The following KASH5 variants were observed in gnomAD, a reference collection of about 807,000 sequenced individuals.
The protein encoded by KASH5 is KASH domain containing 5, also known as protein KASH5.
KASH5 carries 72 observed loss-of-function variants against 84.2 expected under a neutral mutation model. That is an observed-to-expected ratio of 0.85 (90% CI 0.71 to 1.04). The LOEUF is 1.04. Ranked by LOEUF, KASH5 falls within the 50% of genes least tolerant of loss-of-function variation. The pLI, the probability that KASH5 is intolerant of heterozygous loss-of-function variation, is 0.00. For missense variants in KASH5, 650 were observed against 701.0 expected, an observed-to-expected ratio of 0.93 and a Z score of 0.82; for synonymous variants, 260 against 279.1, an observed-to-expected ratio of 0.93 and a Z score of 0.68.
Position 49,399,343 on chromosome 19 carries a change from C to A in KASH5, c.748-114C>A. 2 of 1,111,346 alleles carry A rather than the reference C, an allele frequency of 1.8e-6. No homozygotes were observed. Among genetic ancestry groups the A allele is most frequent in the Non-Finnish European group, 2.6e-6 (2 of 762,412 alleles). 68.8% of individuals were successfully genotyped at this position (1,111,346 alleles called of 1,614,324 possible). On this transcript the variant is annotated intron_variant, in intron 8 of 19. Coordinates refer to ENST00000447857, the MANE Select transcript of KASH5 (RefSeq NM_144688.5). This position sits in a 1 kb window ranked among gnomAD's most constrained non-coding sequence, Gnocchi z 4.4. ...AAGGAGACAGCAGGAGCCATCAGGGCTTCCCAGACCCATTCCCCCAGGCCC... is the reference window on the plus strand; with the variant it reads ...AAGGAGACAGCAGGAGCCATCAGGGATTCCCAGACCCATTCCCCCAGGCCC...
At chr19:49,398,471 C>T (rs752800998) in intron 7 of KASH5, among the ~76,000 whole-genome samples, 8 of 151,446 alleles carry the variant, frequency 5.3e-5, no homozygotes, top group Admixed American at 5.3e-4. Flanking sequence ...TGGGCTCTAG[C>T]GAGCCTCCCA....
At chr19:49,407,159 G>T in intron 10 of KASH5, 81 bp from the exon 11 acceptor site, 1 of 1,525,728 alleles carries the variant, frequency 6.6e-7, no homozygotes, top group South Asian at 1.1e-5. Context: ...GGGTGCGAGA[G>T]AACAGGTGGG....
At position 49,417,121 on chromosome 19, in the gene KASH5, GA is replaced by G. The variant is rs1974931559; in HGVS notation, c.1440-33del. 6.2e-7 allele frequency: 1 copy of G among 1,609,852 alleles called. No individual in the cohort carries two copies. Among genetic ancestry groups the G allele is most frequent in the African/African-American group, 1.3e-5 (1 of 74,802 alleles). On this transcript the variant is annotated intron_variant, in intron 18 of 19. Transcript: ENST00000447857. This position sits in a 1 kb window ranked among gnomAD's most constrained non-coding sequence, Gnocchi z 5.2. Reference sequence around the variant, plus strand: ...GGTCCAGGAGGGACACTGGGGCAAGGAAAAACCCAGTGGTGATTCCCTCCTT... The same window carrying G: ...GGTCCAGGAGGGACACTGGGGCAAGGAAAACCCAGTGGTGATTCCCTCCTT...
Position 49,395,105 on chromosome 19 carries a change from G to C in KASH5, c.149-1G>C, listed in dbSNP as rs765004229. The C allele has an allele frequency of 3.7e-5, 60 of 1,604,714 alleles. No homozygotes were observed. The highest frequency in any genetic ancestry group is 4.8e-5 in the Non-Finnish European group (57 of 1,177,710). ...CCCCCTCACTGCATGCTCTGTCACAGGCACTGTGGCTGTGGCCCAGGTGCT... is the reference window on the plus strand; with the variant it reads ...CCCCCTCACTGCATGCTCTGTCACACGCACTGTGGCTGTGGCCCAGGTGCT... On this transcript the variant is annotated splice_acceptor_variant, in intron 3 of 19. Transcript: ENST00000447857. LOFTEE classifies it high-confidence loss of function. The surrounding 1 kb of genome is among the most constrained non-coding windows in gnomAD (Gnocchi z 4.4).
intron 6 of KASH5, 80 bp from the exon 7 acceptor site, chr19:49,397,902 C>T: frequency 6.5e-7 from 1 of 1,529,332 alleles, no homozygotes; most frequent in Non-Finnish European, 8.9e-7. Context: ...CCACATCTCC[C>T]CACCACCAGC....
chr19:49,397,744 C>G, intron 6 of KASH5, 27 bp downstream of exon 6: 1 of 1,610,306 alleles, frequency 6.2e-7, no homozygotes, highest in Non-Finnish European at 8.5e-7. Context: ...CCCTCCCTGA[C>G]CCTCCTGCCC....
At chr19:49,405,977 A>AG (rs1974512971) in intron 9 of KASH5, among the ~76,000 whole-genome samples, 1 of 150,874 alleles carries the variant, frequency 6.6e-6, no homozygotes, top group Non-Finnish European at 1.5e-5. Flanking sequence ...AAAAAAAAAA[A>AG]ATTAGCTGGG....
chr19:49,390,706 G>A, intron 1 of KASH5, 83 bp from the exon 2 acceptor site: 1 of 602,152 alleles, frequency 1.7e-6, no homozygotes, highest in Non-Finnish European at 2.8e-6. Context: ...AGGACCCAGA[G>A]GTCCTGGGGC....
chr19:49,411,099 G>C (rs533425326), intron 15 of KASH5, among the ~76,000 whole-genome samples: 141 of 151,738 alleles, frequency 9.3e-4, no homozygotes, highest in Non-Finnish European at 1.7e-3. Flanking sequence ...GCCACCATGT[G>C]TAGCTAAATT....
chr19:49,415,113 G>C (rs536356249), intron 17 of KASH5, 117 bp downstream of exon 17: 5 of 1,012,500 alleles, frequency 4.9e-6, no homozygotes, highest in African/African-American at 3.2e-5. Context: ...GGAGCAGAGA[G>C]AAAAATCATT....
At chr19:49,394,261 G>T (rs1010080953) in intron 2 of KASH5, among the ~76,000 whole-genome samples, 10 of 152,170 alleles carry the variant, frequency 6.6e-5, no homozygotes, top group African/African-American at 2.4e-4. Flanking sequence ...CAGCAGGGGG[G>T]ACTTCCTGGT....
At chr19:49,413,706 A>T (rs1289546792) in intron 16 of KASH5, among the ~76,000 whole-genome samples, 1 of 152,152 alleles carries the variant, frequency 6.6e-6, no homozygotes, top group Non-Finnish European at 1.5e-5. Context: ...GGCAGGTGCC[A>T]TGCGAGTTTC....
rs903799389 is a variant in KASH5, at chr19:49,412,580, A to G, written c.1270-388A>G. Among the ~76,000 whole-genome samples, 9 of 152,176 alleles carry G rather than the reference A, an allele frequency of 5.9e-5. No individual in the cohort carries two copies. Among genetic ancestry groups the G allele is most frequent in the Non-Finnish European group, 1.5e-5 (1 of 68,014 alleles). ...AGGGAGAGCAGATAGATCCAGCCCA[A>G]GTCTGGGAACCTGGGATGAGAAGGC... On this transcript the variant is annotated intron_variant, in intron 15 of 19. Transcript: ENST00000447857. This position sits in a 1 kb window ranked among gnomAD's most constrained non-coding sequence, Gnocchi z 4.6.
chr19:49,390,872 C>T lies in KASH5; in HGVS notation c.-12C>T. 1 of 1,587,972 alleles carries T rather than the reference C, an allele frequency of 6.3e-7. No individual in the cohort carries two copies. Among genetic ancestry groups the T allele is most frequent in the South Asian group, 1.1e-5 (1 of 87,866 alleles). Reference sequence around the variant, plus strand: ...AGCTTTGCCAGCAGCTGCGCCGCGGCAGGGGTGGCCCATGGACCTGCCCGA... The same window carrying T: ...AGCTTTGCCAGCAGCTGCGCCGCGGTAGGGGTGGCCCATGGACCTGCCCGA... On this transcript the variant is annotated 5_prime_UTR_variant, in exon 2 of 20. Transcript: ENST00000447857.
At chr19:49,415,125 G>C in intron 17 of KASH5, 129 bp downstream of exon 17, 1 of 928,842 alleles carries the variant, frequency 1.1e-6, no homozygotes, top group Non-Finnish European at 1.7e-6. Flanking sequence ...AAAATCATTT[G>C]GCCAAGAGAT....
At chr19:49,411,906 G>A (rs868368801) in intron 15 of KASH5, among the ~76,000 whole-genome samples, 15 of 135,766 alleles carry the variant, frequency 1.1e-4, no homozygotes, top group Admixed American at 6.4e-4. Context: ...GAAGGAGGGA[G>A]GGAGGGAAGG....
At chr19:49,390,757 C>T in intron 1 of KASH5, 32 bp from the exon 2 acceptor site, 1 of 1,090,180 alleles carries the variant, frequency 9.2e-7, no homozygotes, top group Non-Finnish European at 1.2e-6. Flanking sequence ...GGTGGCTGCT[C>T]TGAGGACACC....
In KASH5 at chr19:49,406,979, A is replaced by G. The variant is rs767361842; in HGVS notation, c.876+16A>G. 14 of 1,571,756 alleles carry G rather than the reference A, an allele frequency of 8.9e-6. No homozygotes were observed. In the East Asian group the frequency reaches 3.3e-4, roughly 37 times the overall value. Reference sequence around the variant, plus strand: ...CACTTTGAAGGTGCCACTCCTTCCTAGTGCCTGACAACTTTCCACCACCCC... The same window carrying G: ...CACTTTGAAGGTGCCACTCCTTCCTGGTGCCTGACAACTTTCCACCACCCC... On this transcript the variant is annotated intron_variant, in intron 10 of 19. Transcript: ENST00000447857.
In KASH5 at chr19:49,395,194, C is replaced by T; in HGVS notation, c.237C>T (p.Asn79=). The T allele has an allele frequency of 6.2e-7, 1 of 1,612,710 alleles. No individual in the cohort carries two copies. The highest frequency in any genetic ancestry group is 8.5e-7 in the Non-Finnish European group (1 of 1,179,428). Residue 79 remains asparagine, a synonymous_variant, in exon 4 of 20, where the codon AAC becomes AAT. Transcript: ENST00000447857. This position sits in a 1 kb window ranked among gnomAD's most constrained non-coding sequence, Gnocchi z 4.4. Reference sequence around the variant, plus strand: ...ATGCACGCCTCCAAACATTGGCCAACAGCCTGGACCCCAATGGGGAGGGCC... The same window carrying T: ...ATGCACGCCTCCAAACATTGGCCAATAGCCTGGACCCCAATGGGGAGGGCC... ...PQDARLQTLA[N]SLDPNGEGPK...
Sources: allele counts gnomAD v4.1 joint callset (sites outside exome capture counted in the v4.1 genomes callset), GRCh38; gene constraint gnomAD v4.1.1; non-coding constraint Gnocchi (gnomAD v3.1); transcripts MANE v1.5; gene names NCBI Gene and HGNC (gene_info 2026-07-23, HGNC 2026-07-21).